Variants in ARPC4 observed in about 807,000 individuals in gnomAD.
The protein encoded by ARPC4 is actin related protein 2/3 complex subunit 4.
ARPC4 carries 3 observed loss-of-function variants against 22.8 expected under a neutral mutation model. The ratio of observed to expected loss-of-function variants is 0.13; its 90% CI spans 0.06 to 0.34. The LOEUF (loss-of-function observed/expected upper bound fraction) is 0.34. Ranked by LOEUF, ARPC4 falls within the 10% of genes least tolerant of loss-of-function variation. The probability of loss-of-function intolerance (pLI) is 1.00; values close to 1 mark genes in which losing one functional copy is unlikely to be tolerated. For missense variants in ARPC4, 98 were observed against 211.0 expected, an observed-to-expected ratio of 0.46 and a Z score of 3.32; for synonymous variants, 80 against 72.5, an observed-to-expected ratio of 1.10 and a Z score of -0.52.
intron 2 of ARPC4, 34 bp downstream of exon 2, chr3:9,797,811 G>GTGCAGCACACAGAGATGGC (rs2078927181): frequency 6.2e-7 from 1 of 1,602,390 alleles, no homozygotes; most frequent in African/African-American, 1.3e-5. Context: ...GGGATGAGGG[G>GTGCAGCACACAGAGATGGC]TGCAGCACAC....
Position 9,800,299 on chromosome 3 carries a change from A to G in ARPC4, c.234+3A>G, listed in dbSNP as rs369228711. 8.1e-6 allele frequency: 13 copies of G among 1,613,844 alleles called. No homozygotes were observed. In the African/African-American group the frequency reaches 1.1e-4, roughly 13 times the overall value. On this transcript the variant is annotated splice_donor_region_variant and intron_variant, in intron 3 of 5. Transcript: ENST00000397261. ...GGGTCAGCATTGCTGTGAAACAGGTAAGTTCACCATGGAGGAGGCCCAACG... is the reference window on the plus strand; with the variant it reads ...GGGTCAGCATTGCTGTGAAACAGGTGAGTTCACCATGGAGGAGGCCCAACG...
chr3:9,793,391 A>G (rs1386912020), intron 1 of ARPC4, among the ~76,000 whole-genome samples: 1 of 151,942 alleles, frequency 6.6e-6, no homozygotes, highest in Non-Finnish European at 1.5e-5. Flanking sequence ...CCCTGTAGGA[A>G]CCCGGAAGTG....
rs534738396 is a variant in ARPC4, at chr3:9,799,755, T to G, written c.123-430T>G. 6.4e-4 allele frequency: 274 copies of G among 428,558 alleles called. 2 individuals are homozygous for G. Among genetic ancestry groups the G allele is most frequent in the South Asian group, 4.3e-3 (257 of 60,136 alleles). The allele number at this position is 428,558 out of a possible 1,614,324, so 26.5% of individuals were successfully genotyped here. ...ACTGTGCCCAGCCAGTTTCAGATTTTGGATTTCAGATTTGCAGATTGGGGA... is the reference window on the plus strand; with the variant it reads ...ACTGTGCCCAGCCAGTTTCAGATTTGGGATTTCAGATTTGCAGATTGGGGA... On this transcript the variant is annotated intron_variant, in intron 2 of 5. Transcript: ENST00000397261.
intron 1 of ARPC4, among the ~76,000 whole-genome samples, chr3:9,797,137 C>G (rs1314907842): frequency 6.6e-6 from 1 of 152,124 alleles, no homozygotes; most frequent in African/African-American, 2.4e-5. Flanking sequence ...CAGTGTTAAT[C>G]ATCTTTGAAT....
At chr3:9,797,553 C>A in intron 1 of ARPC4, 106 bp from the exon 2 acceptor site, 1 of 1,277,900 alleles carries the variant, frequency 7.8e-7, no homozygotes, top group Non-Finnish European at 1.1e-6. Flanking sequence ...TCTTAAGAGC[C>A]TTGCACCCTC....
Position 9,801,600 on chromosome 3 carries a change from C to T in ARPC4, c.235-61C>T, listed in dbSNP as rs980734663. On this transcript the variant is annotated intron_variant, in intron 3 of 5. Transcript: ENST00000397261. ...AAACTGGAGTCAGAAGACCAGGCTA[C>T]AAGGTGTTTTTGGCCTTGGGTGTCA... is the stretch of plus-strand genomic sequence containing the variant. 4.0e-5 allele frequency: 60 copies of T among 1,508,794 alleles called. No individual in the cohort carries two copies. The African/African-American group carries it at 7.8e-4, about 20-fold the overall frequency. The allele number at this position is 1,508,794 out of a possible 1,614,324, so 93.5% of individuals were successfully genotyped here. A position where few individuals can be genotyped will look rare whatever the true frequency, so the allele number is the denominator to read the frequency against.
rs147101420 is a variant in ARPC4, at chr3:9,805,678, C to T, written c.502-532C>T. Among the ~76,000 whole-genome samples the T allele has an allele frequency of 2.7e-3, 412 of 152,348 alleles. 2 individuals are homozygous for T. Among genetic ancestry groups the T allele is most frequent in the African/African-American group, 9.6e-3 (398 of 41,580 alleles). On this transcript the variant is annotated intron_variant, in intron 5 of 5. Transcript: ENST00000397261. ...TGCTCATCTTTGGGCTAGTTTCAGG[C>T]ATGGGCCATTGGTTCACAACCTTTG... is the stretch of plus-strand genomic sequence containing the variant.
At chr3:9,804,509 G>A (rs539005434) in intron 5 of ARPC4, among the ~76,000 whole-genome samples, 2 of 152,272 alleles carry the variant, frequency 1.3e-5, no homozygotes, top group South Asian at 4.2e-4. Context: ...TTCCTCTTAC[G>A]TTGTTTATGT....
At chr3:9,793,300 C>A in intron 1 of ARPC4, 176 bp downstream of exon 1, 1 of 1,234,792 alleles carries the variant, frequency 8.1e-7, no homozygotes, top group Non-Finnish European at 1.1e-6. Context: ...GAGGAAGGGG[C>A]GAGTGGGGGT....
chr3:9,801,562 G>A, intron 3 of ARPC4, 99 bp from the exon 4 acceptor site: 3 of 1,211,392 alleles, frequency 2.5e-6, no homozygotes, highest in Non-Finnish European at 3.4e-6. Flanking sequence ...ACTGTCTCCT[G>A]GGAGCCTTGA....
At chr3:9,806,126 T>A in intron 5 of ARPC4, 84 bp from the exon 6 acceptor site, 1 of 1,483,720 alleles carries the variant, frequency 6.7e-7, no homozygotes, top group South Asian at 1.1e-5. Context: ...CAGTGGCAGC[T>A]CTCAGGTTCA....
At chr3:9,804,678 TG>T (rs1306588028) in intron 5 of ARPC4, among the ~76,000 whole-genome samples, 1 of 152,102 alleles carries the variant, frequency 6.6e-6, no homozygotes, top group African/African-American at 2.4e-5. Flanking sequence ...CCACCCAGAG[TG>T]GCTGTGATCT....
intron 1 of ARPC4, among the ~76,000 whole-genome samples, chr3:9,793,408 C>T (rs1474642890): frequency 3.3e-5 from 5 of 152,180 alleles, no homozygotes; most frequent in African/African-American, 1.2e-4. Flanking sequence ...AGTGGGGTCT[C>T]CTAGGCTCTT....
intron 5 of ARPC4, 36 bp from the exon 6 acceptor site, chr3:9,806,174 T>C (rs1261261504): frequency 1.9e-6 from 3 of 1,612,636 alleles, no homozygotes; most frequent in South Asian, 2.2e-5. Flanking sequence ...GATGCAATAA[T>C]AACCACCATG....
upstream of ARPC4, chr3:9,792,756 G>A (rs2078772305): frequency 2.4e-6 from 3 of 1,245,944 alleles, no homozygotes; most frequent in Non-Finnish European, 3.0e-6. Context: ...AGAAACGAAG[G>A]GCTCGTCCGC....
upstream of ARPC4, chr3:9,792,937 C>G (rs2078778697): frequency 3.6e-6 from 5 of 1,399,390 alleles, no homozygotes; most frequent in African/African-American, 6.0e-5. Context: ...AATACCGAGA[C>G]AGCCCTAGGT....
chr3:9,805,671 T>A (rs1320756780), intron 5 of ARPC4, among the ~76,000 whole-genome samples: 1 of 152,246 alleles, frequency 6.6e-6, no homozygotes, highest in Non-Finnish European at 1.5e-5. Context: ...TTTGGGCTAG[T>A]TTCAGGCATG....
At chr3:9,800,405 G>C (rs2078983656) in intron 3 of ARPC4, 109 bp downstream of exon 3, 1 of 1,045,432 alleles carries the variant, frequency 9.6e-7, no homozygotes, top group East Asian at 2.5e-5. Context: ...TCCAGATTCA[G>C]AGTGCAGGAA....
chr3:9,795,689 C>T (rs2078867916), intron 1 of ARPC4, among the ~76,000 whole-genome samples: 1 of 152,168 alleles, frequency 6.6e-6, no homozygotes, highest in African/African-American at 2.4e-5. Context: ...ATGAGTGAGA[C>T]ACTGTATATG....
Sources: allele counts gnomAD v4.1 joint callset (sites outside exome capture counted in the v4.1 genomes callset), GRCh38; gene constraint gnomAD v4.1.1; transcripts MANE v1.5; gene names NCBI Gene and HGNC (gene_info 2026-07-23, HGNC 2026-07-21).